ZP3: variants seen among roughly 807,000 people sequenced by gnomAD.
ZP3 encodes the protein zona pellucida glycoprotein 3.
Under a neutral mutation model 35.6 loss-of-function variants are expected in ZP3, and 21 were observed. The ratio of observed to expected loss-of-function variants is 0.59; its 90% CI spans 0.42 to 0.85. The LOEUF (loss-of-function observed/expected upper bound fraction) is 0.85, where lower values mean the gene tolerates loss of function less well. Among genes scored for constraint, ZP3 ranks in the 40% least tolerant of loss-of-function variants. The pLI, the probability that ZP3 is intolerant of heterozygous loss-of-function variation, is 0.00. For missense variants in ZP3, 437 were observed against 536.5 expected (o/e 0.81, Z 1.83); for synonymous variants, 207 against 214.5 (o/e 0.96, Z 0.31).
In ZP3 at chr7:76,440,448, A is replaced by C. The variant is rs1476540942; in HGVS notation, c.924-27A>C. 3.7e-6 allele frequency: 6 copies of C among 1,610,362 alleles called. No homozygotes were observed. The African/African-American group carries it at 8.0e-5, about 22-fold the overall frequency. Reference sequence around the variant, plus strand: ...AAACTGCTTCCTGCAGGCAACAAAAATCTAAGCTGCTTCTCTTTCATCTCA... The same window carrying C: ...AAACTGCTTCCTGCAGGCAACAAAACTCTAAGCTGCTTCTCTTTCATCTCA... On this transcript the variant is annotated intron_variant, in intron 6 of 7. Transcript: ENST00000394857.
chr7:76,428,855 T>G (rs1271335174), intron 1 of ZP3: 1 of 152,378 alleles, frequency 6.6e-6, no homozygotes, highest in East Asian at 1.9e-4. Flanking sequence ...CTAATTTTTT[T>G]TTTTTAAGTA....
At chr7:76,427,854 T>C (rs549459199) in intron 1 of ZP3, among the ~76,000 whole-genome samples, 27 of 152,140 alleles carry the variant, frequency 1.8e-4, no homozygotes, top group Non-Finnish European at 2.8e-4. Flanking sequence ...AGCCAAGTTA[T>C]GTTTTTGTAG....
intron 5 of ZP3, among the ~76,000 whole-genome samples, chr7:76,439,191 CA>C (rs1359908231): frequency 6.9e-6 from 1 of 145,492 alleles, no homozygotes; most frequent in African/African-American, 2.5e-5. Flanking sequence ...GAAGCAAGTC[CA>C]AAAGGCTTCT....
chr7:76,426,570 G>T (rs1025085676), intron 1 of ZP3, among the ~76,000 whole-genome samples: 4 of 152,130 alleles, frequency 2.6e-5, no homozygotes, highest in Admixed American at 2.6e-4. Flanking sequence ...AGAGCTGCAG[G>T]AGTTACTTGA....
At chr7:76,423,079 GA>G (rs1389213698), upstream of ZP3, among the ~76,000 whole-genome samples, 28 of 138,596 alleles carry the variant, frequency 2.0e-4, 1 homozygote, top group Non-Finnish European at 3.8e-4. Context: ...AAGAAAGAAA[GA>G]AAGAAAAGAA....
intron 1 of ZP3, among the ~76,000 whole-genome samples, chr7:76,415,192 A>G (rs1416666086): frequency 6.6e-6 from 1 of 151,606 alleles, no homozygotes. Flanking sequence ...CCTGGCCAAC[A>G]TGGTGAAACC....
upstream of ZP3, among the ~76,000 whole-genome samples, chr7:76,420,017 G>C (rs1296330243): frequency 1.3e-5 from 2 of 151,466 alleles, no homozygotes; most frequent in Non-Finnish European, 2.9e-5. Context: ...GGCCAGGCTG[G>C]TCTCAAACTC....
chr7:76,415,567 C>A (rs921724534), intron 1 of ZP3, among the ~76,000 whole-genome samples: 6 of 150,560 alleles, frequency 4.0e-5, no homozygotes, highest in African/African-American at 1.5e-4. Flanking sequence ...AGTCTCGGCT[C>A]ACTGCAACCT....
intron 2 of ZP3, among the ~76,000 whole-genome samples, chr7:76,431,452 T>A (rs1258318946): frequency 2.0e-5 from 3 of 152,170 alleles, no homozygotes; most frequent in African/African-American, 7.2e-5. Flanking sequence ...GATGCATCCA[T>A]CACTTGGAGT....
chr7:76,400,455 GC>G, intron 1 of ZP3: 1 of 1,608,764 alleles, frequency 6.2e-7, no homozygotes. Context: ...GCAGTGCCAG[GC>G]CACAGCCCAG....
chr7:76,424,332 C>T (rs1367055776), upstream of ZP3, among the ~76,000 whole-genome samples: 9 of 152,242 alleles, frequency 5.9e-5, no homozygotes, highest in East Asian at 1.7e-3. Context: ...AAGCTAAAAA[C>T]TTTCAAGTGG....
chr7:76,404,340 G>C, intron 1 of ZP3: 1 of 1,611,988 alleles, frequency 6.2e-7, no homozygotes, highest in East Asian at 2.2e-5. Context: ...GACAGGGCTT[G>C]GGGGAGGAAG....
Position 76,414,636 on chromosome 7 carries a change from C to A in ZP3, c.-66-10416C>A, listed in dbSNP as rs181910824. Among the ~76,000 whole-genome samples the A allele has an allele frequency of 2.1e-3, 304 of 148,176 alleles. 1 individual carries two copies. Among genetic ancestry groups the A allele is most frequent in the Admixed American group, 3.7e-3 (54 of 14,592 alleles). ...ACAGTTAGGAAAAGACCTTCTCATG[C>A]AGGAACAGACTCTGCTTCTACCCCT... is the stretch of plus-strand genomic sequence containing the variant. On this transcript the variant is annotated intron_variant, in intron 1 of 8. Transcript: ENST00000336517.
At chr7:76,434,304 G>A (rs1234354454) in intron 5 of ZP3, 149 bp downstream of exon 5, 2 of 416,486 alleles carry the variant, frequency 4.8e-6, no homozygotes, top group Admixed American at 3.9e-5. Context: ...GAGCTTTAGC[G>A]AGGCCTTCAA....
chr7:76,431,660 G>C (rs1457631613), intron 2 of ZP3, among the ~76,000 whole-genome samples: 1 of 152,190 alleles, frequency 6.6e-6, no homozygotes, highest in Non-Finnish European at 1.5e-5. Flanking sequence ...AGCACTTTGG[G>C]AGGCCGAGGC....
chr7:76,434,202 T>C, intron 5 of ZP3, 47 bp downstream of exon 5: 1 of 804,670 alleles, frequency 1.2e-6, no homozygotes. Flanking sequence ...GCAACCTTCA[T>C]ATCCTACTGA....
intron 1 of ZP3, chr7:76,409,323 T>TCACACACA (rs3081030): frequency 3.4e-5 from 5 of 146,428 alleles, no homozygotes; most frequent in East Asian, 2.0e-4. Flanking sequence ...TCTCTCTGTC[T>TCACACACA]CACACACACA....
chr7:76,441,346 G>A (rs1198561584), intron 7 of ZP3, among the ~76,000 whole-genome samples: 1 of 150,102 alleles, frequency 6.7e-6, no homozygotes, highest in Admixed American at 6.7e-5. Flanking sequence ...CCTCTTGGGT[G>A]ACCTGCTTTC....
chr7:76,430,628 A>G (rs1164219285), intron 2 of ZP3, among the ~76,000 whole-genome samples: 4 of 151,546 alleles, frequency 2.6e-5, no homozygotes, highest in East Asian at 2.0e-4. Flanking sequence ...TCAGCTACTC[A>G]GGAGGCTGAG....
Sources: gnomAD v4.1 joint callset for allele counts (sites outside exome capture counted in the v4.1 genomes callset) on GRCh38, gnomAD v4.1.1 for gene constraint, MANE v1.5 for transcripts, NCBI Gene and HGNC (gene_info 2026-07-23, HGNC 2026-07-21) for gene names.